SOX6: variants seen among roughly 807,000 people sequenced by gnomAD.
SOX6 encodes transcription factor SOX-6.
A neutral mutation model predicts 97.8 loss-of-function variants in SOX6; 11 were observed. That is an observed-to-expected ratio of 0.11 (90% CI 0.07 to 0.19). The LOEUF (loss-of-function observed/expected upper bound fraction) is 0.19, where lower values mean the gene tolerates loss of function less well. Ranked by LOEUF, SOX6 falls within the 10% of genes least tolerant of loss-of-function variation. The pLI is 1.00. For missense variants in SOX6, 810 were observed against 1,039.5 expected (o/e 0.78, Z 3.04); for synonymous variants, 360 against 371.4 (o/e 0.97, Z 0.35).
intron 12 of SOX6, among the ~76,000 whole-genome samples, chr11:16,035,500 G>A (rs904293156): frequency 2.0e-5 from 3 of 152,120 alleles, no homozygotes; most frequent in Non-Finnish European, 2.9e-5. Flanking sequence ...AAACTGCCAC[G>A]AGCAAAGAAA....
chr11:16,170,878 T>A (rs1252909032), intron 6 of SOX6, among the ~76,000 whole-genome samples: 1 of 152,004 alleles, frequency 6.6e-6, no homozygotes, highest in Non-Finnish European at 1.5e-5. Context: ...CCCTGCTTCA[T>A]TTCCCACCTA....
chr11:16,089,268 A>C (rs1848634395), intron 9 of SOX6, among the ~76,000 whole-genome samples: 1 of 152,160 alleles, frequency 6.6e-6, no homozygotes, highest in African/African-American at 2.4e-5. Flanking sequence ...TCAGTATCAA[A>C]TAATTCATGT....
chr11:16,427,985 G>C (rs567880855), intron 1 of SOX6, among the ~76,000 whole-genome samples: 1 of 152,176 alleles, frequency 6.6e-6, no homozygotes, highest in Non-Finnish European at 1.5e-5. Context: ...ATCCTCTCCA[G>C]CACCTGTTGT....
chr11:16,393,231 C>T lies in SOX6; in HGVS notation c.-4-51979G>A, dbSNP rs1008558371. Among the ~76,000 whole-genome samples the T allele has an allele frequency of 2.6e-5, 4 of 151,990 alleles. No homozygotes were observed. In the East Asian group the frequency reaches 7.7e-4, roughly 29 times the overall value. ...TTTTTCAGAATAAACATGCTTCATTCTTTTAACCTAAGGGAAGCTTTCGCC... is the reference window on the plus strand; with the variant it reads ...TTTTTCAGAATAAACATGCTTCATTTTTTTAACCTAAGGGAAGCTTTCGCC... On this transcript the variant is annotated intron_variant, in intron 1 of 15. Transcript: ENST00000396356.
intron 2 of SOX6, among the ~76,000 whole-genome samples, chr11:16,721,523 TC>T (rs1848262321): frequency 1.5e-5 from 1 of 66,576 alleles, no homozygotes; most frequent in Non-Finnish European, 3.0e-5. Flanking sequence ...TCTCTCTCTC[TC>T]TCTCTCTCTC....
At chr11:16,652,527 T>C (rs981449382) in intron 3 of SOX6, among the ~76,000 whole-genome samples, 4 of 152,058 alleles carry the variant, frequency 2.6e-5, no homozygotes, top group African/African-American at 9.7e-5. Flanking sequence ...ACACCTTATT[T>C]AACAAATAGT....
intron 4 of SOX6, among the ~76,000 whole-genome samples, chr11:16,520,070 T>C (rs898605192): frequency 1.9e-4 from 29 of 152,238 alleles, no homozygotes; most frequent in African/African-American, 7.0e-4. Context: ...TGTTGATTTG[T>C]GTAAATTCGT....
chr11:15,989,131 G>A lies in SOX6; in HGVS notation c.1832C>T (p.Ala611Val). The stretch of plus-strand genomic sequence containing the variant: ...TGGCTCGCTGCTGGCACGGCCGCGG[G>A]CGTCCCTGTAGACTCGTGCTTCAGC... The part of the protein sequence containing the change: ...TVAEARVYRD[A>V]RGRASSEPHI... Residue 611 changes from alanine (A) to valine (V), a missense_variant, in exon 14 of 16, where the codon GCC (alanine) becomes GTC (valine). Physicochemically the swap from Ala to Val is moderately conservative, Grantham distance 64. This residue lies in a region of SOX6 where 51 missense variants were observed against 145.7 expected (regional missense o/e 0.35). Coordinates refer to ENST00000683767, the MANE Select transcript of SOX6 (RefSeq NM_001367873.1). 6.2e-7 allele frequency: 1 copy of A among 1,614,172 alleles called. No individual in the cohort carries two copies. The highest frequency in any genetic ancestry group is 8.5e-7 in the Non-Finnish European group (1 of 1,180,016).
rs150307350 is a variant in SOX6 at position 16,305,814 on chromosome 11, T to A, written c.445+12632A>T. On this transcript the variant is annotated intron_variant, in intron 3 of 15. Coordinates refer to ENST00000683767, the MANE Select transcript of SOX6 (RefSeq NM_001367873.1). ...TCTCCAGGGAAGTAAGCTGAGTTTTTTTTTTTAAGTAAATTCTAAAAAGCT... is the reference window on the plus strand; with the variant it reads ...TCTCCAGGGAAGTAAGCTGAGTTTTATTTTTTAAGTAAATTCTAAAAAGCT... Among the ~76,000 whole-genome samples the A allele has an allele frequency of 1.6e-4, 24 of 152,328 alleles. No homozygotes were observed. The East Asian group carries it at 4.6e-3, about 29-fold the overall frequency.
chr11:16,417,364 C>T (rs977860980), intron 1 of SOX6, among the ~76,000 whole-genome samples: 3 of 152,106 alleles, frequency 2.0e-5, no homozygotes, highest in Non-Finnish European at 4.4e-5. Flanking sequence ...CAAAAATTCA[C>T]GACTGTGATT....
At position 16,088,761 on chromosome 11, in the gene SOX6, A is replaced by G. The variant is rs117956426; in HGVS notation, c.1101+7235T>C. 2.2e-4 allele frequency among the ~76,000 whole-genome samples: 33 copies of G among 152,298 alleles called. No individual in the cohort carries two copies. In the East Asian group the frequency reaches 6.0e-3, roughly 28 times the overall value. On this transcript the variant is annotated intron_variant, in intron 9 of 15. Coordinates refer to ENST00000683767, the MANE Select transcript of SOX6 (RefSeq NM_001367873.1). ...TTTAATTTAAATGAGTAGATAAATT[A>G]GAGGGAAAACTTGATAGGGAATTTG...
In SOX6 at chr11:16,063,518, A is replaced by G. The variant is rs1387566810; in HGVS notation, c.1102-7617T>C. On this transcript the variant is annotated intron_variant, in intron 9 of 15. Transcript: ENST00000683767. ...ATTTTATATATATATATATATATAT[A>G]TATATATATATATATATATATATAT... 8.3e-5 allele frequency among the ~76,000 whole-genome samples: 5 copies of G among 59,974 alleles called. No homozygotes were observed. In the East Asian group the frequency reaches 2.6e-3, roughly 31 times the overall value. The allele number at this position is 59,974 out of a possible 152,430, so 39.3% of individuals were successfully genotyped here.
chr11:15,969,568 C>T lies in SOX6; in HGVS notation c.*3241G>A, dbSNP rs1054164691. 1.3e-5 allele frequency: 2 copies of T among 152,136 alleles called. No homozygotes were observed. Among genetic ancestry groups the T allele is most frequent in the African/African-American group, 2.4e-5 (1 of 41,420 alleles). The allele number at this position is 152,136 out of a possible 1,614,324, so 9.4% of individuals were successfully genotyped here. On this transcript the variant is annotated 3_prime_UTR_variant, in exon 16 of 16. Transcript: ENST00000683767. ...TGCTCTCTCACTGTAGCTGATAACT[C>T]ACTACCCCGAGAGGCACAGTGACTC...
chr11:15,998,006 G>T (rs927913472), intron 13 of SOX6, among the ~76,000 whole-genome samples: 1 of 151,838 alleles, frequency 6.6e-6, no homozygotes, highest in African/African-American at 2.4e-5. Flanking sequence ...CTTGAACCCG[G>T]GAGGCAGAGG....
At chr11:16,151,121 C>A (rs1395846120) in intron 6 of SOX6, among the ~76,000 whole-genome samples, 1 of 151,990 alleles carries the variant, frequency 6.6e-6, no homozygotes, top group Non-Finnish European at 1.5e-5. Flanking sequence ...GGAAAATTTT[C>A]TTTGACATAT....
chr11:16,376,896 T>C (rs991224851), intron 1 of SOX6, among the ~76,000 whole-genome samples: 1 of 151,318 alleles, frequency 6.6e-6, no homozygotes, highest in Non-Finnish European at 1.5e-5. Flanking sequence ...AAGGAGAGAA[T>C]TGGGGTGACA....
chr11:16,523,608 C>G (rs1329147992), intron 4 of SOX6, among the ~76,000 whole-genome samples: 1 of 151,954 alleles, frequency 6.6e-6, no homozygotes, highest in African/African-American at 2.4e-5. Context: ...CAAAAGCTAG[C>G]AGAAGGCAAG....
At chr11:16,393,912 TGG>T (rs1197431666) in intron 1 of SOX6, among the ~76,000 whole-genome samples, 1 of 151,980 alleles carries the variant, frequency 6.6e-6, no homozygotes, top group African/African-American at 2.4e-5. Flanking sequence ...TTAATCTTAT[TGG>T]GAGTGCAGGG....
At chr11:16,583,614 C>CACAT in intron 4 of SOX6, among the ~76,000 whole-genome samples, 1 of 104,720 alleles carries the variant, frequency 9.5e-6, no homozygotes, top group Non-Finnish European at 2.1e-5. Flanking sequence ...TATATATATA[C>CACAT]ATATATATAT....
Sources: gnomAD v4.1 joint callset for allele counts (sites outside exome capture counted in the v4.1 genomes callset) on GRCh38, gnomAD v4.1.1 for gene constraint, gnomAD v4.1.1 regional missense constraint, MANE v1.5 for transcripts, NCBI Gene and HGNC (gene_info 2026-07-23, HGNC 2026-07-21) for gene names.